FYB1: variants seen among roughly 807,000 people sequenced by gnomAD.
The protein encoded by FYB1 is FYN binding protein 1.
FYB1 carries 41 observed loss-of-function variants against 94.1 expected under a neutral mutation model. That is an observed-to-expected ratio of 0.44 (90% CI 0.34 to 0.57). The LOEUF is 0.57. Ranked by LOEUF, FYB1 falls within the 20% of genes least tolerant of loss-of-function variation. The pLI is 0.02. For synonymous variants in FYB1, 367 were observed against 353.2 expected (o/e 1.04, Z -0.44); for missense variants, 1,050 against 976.8 (o/e 1.07, Z -1.00).
At chr5:39,140,409 T>C (rs1742066824) in intron 4 of FYB1, among the ~76,000 whole-genome samples, 1 of 152,118 alleles carries the variant, frequency 6.6e-6, no homozygotes, top group African/African-American at 2.4e-5. Flanking sequence ...AGCAGAGATA[T>C]AGAAATTAAA....
At chr5:39,153,024 G>A (rs781209392) in intron 3 of FYB1, among the ~76,000 whole-genome samples, 35 of 152,108 alleles carry the variant, frequency 2.3e-4, no homozygotes, top group Non-Finnish European at 5.0e-4. Flanking sequence ...TAATCAATAA[G>A]GTTATAGAGA....
At chr5:39,116,897 T>C (rs573556395) in intron 16 of FYB1, among the ~76,000 whole-genome samples, 1 of 152,284 alleles carries the variant, frequency 6.6e-6, no homozygotes, top group South Asian at 2.1e-4. Context: ...AGATCCCCAT[T>C]GATCTGTATG....
Position 39,202,275 on chromosome 5 carries a change from A to G in FYB1, c.686T>C (p.Leu229Pro). 8.1e-6 allele frequency: 13 copies of G among 1,613,848 alleles called. No individual in the cohort carries two copies. Among genetic ancestry groups the G allele is most frequent in the African/African-American group, 8.0e-5 (6 of 74,982 alleles). The change falls in exon 2 of 19, where the codon CTG becomes CCG. Residue 229 changes from leucine to proline, a missense_variant. Leu to Pro is a moderately conservative substitution (Grantham distance 98). Coordinates refer to ENST00000512982, the MANE Select transcript of FYB1 (RefSeq NM_001465.6). ...AGGGCCGCTTTTGGACCTGACTCCC[A>G]GGGGAGCTGGGGACCCTTTTGATGA... ...VSSSKGSPAP[L>P]GVRSKSGPLK... is the part of the protein sequence containing the mutation.
At chr5:39,127,964 TA>T (rs1483701367) in intron 10 of FYB1, among the ~76,000 whole-genome samples, 157 bp from the exon 11 acceptor site, 1 of 152,188 alleles carries the variant, frequency 6.6e-6, no homozygotes, top group African/African-American at 2.4e-5. Flanking sequence ...GATTATTTTA[TA>T]AAGAATTCTT....
chr5:39,183,552 C>T (rs1746463031), intron 2 of FYB1, among the ~76,000 whole-genome samples: 1 of 152,138 alleles, frequency 6.6e-6, no homozygotes, highest in Non-Finnish European at 1.5e-5. Flanking sequence ...CCAGCATCTA[C>T]AGTGAGATGT....
Position 39,106,387 on chromosome 5 carries a change from A to T in FYB1, c.*1056T>A, listed in dbSNP as rs1760376572. Reference sequence around the variant, plus strand: ...TTAAATCATGCTATTTAGTGTTCTTAACATTTGAAACCCAAATGGTTCACA... The same window carrying T: ...TTAAATCATGCTATTTAGTGTTCTTTACATTTGAAACCCAAATGGTTCACA... On this transcript the variant is annotated 3_prime_UTR_variant, in exon 19 of 19. Coordinates refer to ENST00000512982, the MANE Select transcript of FYB1 (RefSeq NM_001465.6). 6.6e-6 allele frequency: 1 copy of T among 152,086 alleles called. No homozygotes were observed. The highest frequency in any genetic ancestry group is 1.5e-5 in the Non-Finnish European group (1 of 68,002). The allele number at this position is 152,086 out of a possible 1,614,324, so 9.4% of individuals were successfully genotyped here.
intron 16 of FYB1, among the ~76,000 whole-genome samples, chr5:39,117,691 C>A (rs1361371466): frequency 1.3e-5 from 2 of 152,128 alleles, no homozygotes; most frequent in Non-Finnish European, 2.9e-5. Flanking sequence ...GTCCCTGAGT[C>A]ACCTTCCTCC....
chr5:39,177,674 C>T (rs1037012279), intron 2 of FYB1, among the ~76,000 whole-genome samples: 1 of 152,072 alleles, frequency 6.6e-6, no homozygotes, highest in Non-Finnish European at 1.5e-5. Context: ...AACTTTTGAG[C>T]CTCAACATTT....
intron 2 of FYB1, among the ~76,000 whole-genome samples, chr5:39,194,184 A>C: frequency 6.6e-6 from 1 of 152,208 alleles, no homozygotes; most frequent in East Asian, 1.9e-4. Context: ...AGTAAATTTA[A>C]ATGCCAGAAT....
intron 16 of FYB1, among the ~76,000 whole-genome samples, chr5:39,117,299 T>A (rs1312194105): frequency 6.6e-6 from 1 of 152,204 alleles, no homozygotes; most frequent in Non-Finnish European, 1.5e-5. Flanking sequence ...CATATTACTA[T>A]CATAATTTTC....
intron 2 of FYB1, among the ~76,000 whole-genome samples, chr5:39,174,292 A>G (rs749194001): frequency 1.3e-5 from 2 of 152,170 alleles, no homozygotes; most frequent in Non-Finnish European, 2.9e-5. Flanking sequence ...TTCTGTACAT[A>G]GAATCCCTTT....
chr5:39,137,851 G>C (rs7725991), intron 6 of FYB1, 131 bp from the exon 7 acceptor site: 1 of 1,224,100 alleles, frequency 8.2e-7, no homozygotes, highest in Non-Finnish European at 1.1e-6. Flanking sequence ...AAAGCGAAAG[G>C]TTGTCAAAAT....
intron 2 of FYB1, among the ~76,000 whole-genome samples, chr5:39,187,198 G>A (rs555585783): frequency 3.9e-5 from 6 of 151,914 alleles, no homozygotes; most frequent in East Asian, 1.9e-4. Flanking sequence ...ACTGTGACAC[G>A]CTTGAAAAAA....
At chr5:39,174,293 G>T (rs1339133651) in intron 2 of FYB1, among the ~76,000 whole-genome samples, 1 of 152,136 alleles carries the variant, frequency 6.6e-6, no homozygotes, top group Admixed American at 6.5e-5. Flanking sequence ...TCTGTACATA[G>T]AATCCCTTTT....
At chr5:39,246,215 C>A (rs1401336955) in intron 1 of FYB1, among the ~76,000 whole-genome samples, 1 of 152,034 alleles carries the variant, frequency 6.6e-6, no homozygotes, top group African/African-American at 2.4e-5. Flanking sequence ...AGATAGGGGA[C>A]CCTGTGGCAA....
chr5:39,182,028 T>A (rs1241776599), intron 2 of FYB1, among the ~76,000 whole-genome samples: 1 of 152,178 alleles, frequency 6.6e-6, no homozygotes, highest in East Asian at 1.9e-4. Context: ...ACTGGCCTAC[T>A]CCTGCTACTA....
chr5:39,130,594 A>C lies in FYB1; in HGVS notation c.1836T>G (p.Ser612Arg), dbSNP rs1411485712. 5 of 1,574,260 alleles carry C rather than the reference A, an allele frequency of 3.2e-6. No homozygotes were observed. In the Admixed American group the frequency reaches 7.3e-5, roughly 23 times the overall value. The change falls in exon 10 of 19, where the codon AGT (serine) becomes AGG (arginine). Residue 612 changes from serine to arginine, a missense_variant. Coordinates refer to ENST00000512982, the MANE Select transcript of FYB1 (RefSeq NM_001465.6). The part of the protein sequence containing the change: ...DDISSHSQSG[S>R]GGIFPPPPDD... The stretch of plus-strand genomic sequence containing the variant: ...TTTAAGAAGCGTGTGGCTTACCTCC[A>C]CTTCCACTCTGACTGTGGCTAGAAA...
At chr5:39,234,772 C>T (rs540050015) in intron 1 of FYB1, among the ~76,000 whole-genome samples, 3 of 152,172 alleles carry the variant, frequency 2.0e-5, no homozygotes, top group African/African-American at 7.2e-5. Context: ...AACCATCATT[C>T]TCAGCAAAGT....
chr5:39,246,575 G>A (rs1265948587), intron 1 of FYB1, among the ~76,000 whole-genome samples: 2 of 152,110 alleles, frequency 1.3e-5, no homozygotes, highest in East Asian at 3.9e-4. Flanking sequence ...TCCATACACT[G>A]GTTTCACAGG....
Sources: allele counts gnomAD v4.1 joint callset (sites outside exome capture counted in the v4.1 genomes callset), GRCh38; gene constraint gnomAD v4.1.1; transcripts MANE v1.5; gene names NCBI Gene and HGNC (gene_info 2026-07-23, HGNC 2026-07-21).